Variants in CACNA1C observed in about 807,000 individuals in gnomAD.
CACNA1C encodes voltage-dependent L-type calcium channel subunit alpha-1C.
Under a neutral mutation model 229.0 loss-of-function variants are expected in CACNA1C, and 30 were observed. The ratio of observed to expected loss-of-function variants is 0.13; its 90% confidence interval spans 0.10 to 0.18. The LOEUF (loss-of-function observed/expected upper bound fraction) is 0.18, where lower values mean the gene tolerates loss of function less well. Among genes scored for constraint, CACNA1C ranks in the 10% least tolerant of loss-of-function variants. The pLI is 1.00. For synonymous variants in CACNA1C, 1,114 were observed against 1,132.5 expected, an observed-to-expected ratio of 0.98 and a Z score of 0.33; for missense variants, 1,658 against 2,845.0, an observed-to-expected ratio of 0.58 and a Z score of 9.49.
At chr12:2,334,463 G>A (rs1446017227) in intron 3 of CACNA1C, among the ~76,000 whole-genome samples, 1 of 152,138 alleles carries the variant, frequency 6.6e-6, no homozygotes, top group Admixed American at 6.5e-5. Context: ...GAGGAATTGT[G>A]CTGTAGTGAG....
At chr12:2,544,163 A>T (rs1348910244) in intron 9 of CACNA1C, among the ~76,000 whole-genome samples, 1 of 151,862 alleles carries the variant, frequency 6.6e-6, no homozygotes, top group African/African-American at 2.4e-5. Flanking sequence ...AAAAAAAAAA[A>T]CCTGCCGGTT....
intron 3 of CACNA1C, among the ~76,000 whole-genome samples, chr12:2,224,812 T>C (rs907057788): frequency 1.5e-4 from 23 of 152,290 alleles, no homozygotes; most frequent in Admixed American, 1.4e-3. Flanking sequence ...TTGCCATCAT[T>C]GTCTGGAGGG....
chr12:2,375,066 C>T (rs115834843), intron 3 of CACNA1C, among the ~76,000 whole-genome samples: 115 of 152,324 alleles, frequency 7.5e-4, no homozygotes, highest in African/African-American at 2.6e-3. Context: ...AGATGGGGAA[C>T]AAAATGAGAC....
chr12:2,572,466 CT>C (rs2055785618), intron 13 of CACNA1C, among the ~76,000 whole-genome samples: 3 of 39,006 alleles, frequency 7.7e-5, no homozygotes, highest in African/African-American at 1.1e-4. Flanking sequence ...TCCTCCTCCT[CT>C]TCCTCCTTCT....
intron 3 of CACNA1C, among the ~76,000 whole-genome samples, chr12:2,242,993 G>T (rs2154376126): frequency 6.6e-6 from 1 of 152,328 alleles, no homozygotes; most frequent in South Asian, 2.1e-4. Context: ...GGTAGAGCTG[G>T]CTGTGTCATT....
At chr12:2,310,626 A>G (rs919375427) in intron 3 of CACNA1C, among the ~76,000 whole-genome samples, 1 of 152,132 alleles carries the variant, frequency 6.6e-6, no homozygotes, top group Non-Finnish European at 1.5e-5. Flanking sequence ...TAGGTAACTG[A>G]AAGTCTGGAG....
At chr12:2,109,959 T>C (rs1163288537) in intron 1 of CACNA1C, among the ~76,000 whole-genome samples, 1 of 152,216 alleles carries the variant, frequency 6.6e-6, no homozygotes, top group African/African-American at 2.4e-5. Flanking sequence ...ACCTGTATCA[T>C]GACAGCATTA....
At chr12:2,226,125 GCACACACACACACACACACACACACA>G (rs59055471) in intron 3 of CACNA1C, among the ~76,000 whole-genome samples, 1 of 142,768 alleles carries the variant, frequency 7.0e-6, no homozygotes. Context: ...ATGGGGACGC[GCACACACACACACACACACACACACA>G]CACACACACA....
intron 45 of CACNA1C, among the ~76,000 whole-genome samples, chr12:2,686,699 T>C (rs912299766): frequency 2.6e-5 from 4 of 152,176 alleles, no homozygotes; most frequent in African/African-American, 9.7e-5. Flanking sequence ...AAAGAAGTGA[T>C]TAAAGAACCC....
At chr12:2,019,189 C>T (rs943350164) in intron 1 of CACNA1C, among the ~76,000 whole-genome samples, 1 of 152,084 alleles carries the variant, frequency 6.6e-6, no homozygotes, top group Non-Finnish European at 1.5e-5. Flanking sequence ...GGGCTGGGTA[C>T]AGTGGCTCAC....
chr12:2,015,319 C>T (rs1001166801), intron 1 of CACNA1C, among the ~76,000 whole-genome samples: 5 of 152,168 alleles, frequency 3.3e-5, no homozygotes, highest in Admixed American at 3.3e-4. Context: ...ACTGTGTTAG[C>T]TTATCCCAGC....
intron 3 of CACNA1C, among the ~76,000 whole-genome samples, chr12:2,150,149 T>C (rs1490280093): frequency 6.6e-6 from 1 of 152,158 alleles, no homozygotes; most frequent in Non-Finnish European, 1.5e-5. Flanking sequence ...GAACTTTTCA[T>C]GTTGGTCAGG....
intron 1 of CACNA1C, among the ~76,000 whole-genome samples, chr12:2,081,090 G>A (rs2065414033): frequency 6.6e-6 from 1 of 152,156 alleles, no homozygotes. Context: ...GTAGAAAACT[G>A]CTTAAATGTC....
At chr12:2,524,678 A>G (rs918227541) in intron 9 of CACNA1C, among the ~76,000 whole-genome samples, 1 of 152,202 alleles carries the variant, frequency 6.6e-6, no homozygotes, top group African/African-American at 2.4e-5. Flanking sequence ...CCGGGGCCTC[A>G]CAGTCTCCCC....
chr12:2,449,248 A>T (rs1197134805), intron 4 of CACNA1C, 133 bp downstream of exon 4: 1 of 602,480 alleles, frequency 1.7e-6, no homozygotes, highest in African/African-American at 1.9e-5. Flanking sequence ...GAGTGAGAAA[A>T]ATGAGATTTA....
intron 5 of CACNA1C, among the ~76,000 whole-genome samples, chr12:2,482,366 C>T (rs1200254065): frequency 4.6e-5 from 7 of 152,230 alleles, no homozygotes; most frequent in Admixed American, 2.6e-4. Context: ...TTTGCACAGT[C>T]GTGAAGCCAT....
chr12:2,537,824 CTG>C (rs1355290084), intron 9 of CACNA1C, among the ~76,000 whole-genome samples: 1 of 151,320 alleles, frequency 6.6e-6, no homozygotes, highest in Non-Finnish European at 1.5e-5. Context: ...GTCAGATAGC[CTG>C]TTTTCCCCAT....
At chr12:2,125,648 A>G (rs916019324) in intron 3 of CACNA1C, among the ~76,000 whole-genome samples, 20 of 152,140 alleles carry the variant, frequency 1.3e-4, no homozygotes, top group Non-Finnish European at 2.9e-5. Context: ...CTGCTCCCAG[A>G]GATTCTGACT....
intron 3 of CACNA1C, among the ~76,000 whole-genome samples, chr12:2,343,405 AAAAAC>A (rs2096917982): frequency 6.6e-6 from 1 of 152,266 alleles, no homozygotes. Context: ...AGATTTAACA[AAAAAC>A]AAAACAAAGA....
Sources: allele counts gnomAD v4.1 joint callset (sites outside exome capture counted in the v4.1 genomes callset), GRCh38; gene constraint gnomAD v4.1.1; transcripts MANE v1.5; gene names NCBI Gene and HGNC (gene_info 2026-07-23, HGNC 2026-07-21).